Variants in SLK observed in about 807,000 individuals in gnomAD.
The protein encoded by SLK is STE20-like serine/threonine-protein kinase.
In SLK, 67 loss-of-function variants were observed where a neutral mutation model predicts 147.7. That is an observed-to-expected ratio of 0.45 (90% confidence interval 0.37 to 0.56). The LOEUF is 0.56. Ranked by LOEUF, SLK falls within the 20% of genes least tolerant of loss-of-function variation. The pLI is 0.00. For missense variants in SLK, 1,136 were observed against 1,438.8 expected, an observed-to-expected ratio of 0.79 and a Z score of 3.41; for synonymous variants, 441 against 475.0, an observed-to-expected ratio of 0.93 and a Z score of 0.93.
chr10:103,999,417 C>T, intron 6 of SLK, 104 bp downstream of exon 6: 3 of 866,552 alleles, frequency 3.5e-6, no homozygotes, highest in Non-Finnish European at 5.3e-6. Flanking sequence ...AAATTGGATA[C>T]ATGGTTCGAA....
intron 1 of SLK, among the ~76,000 whole-genome samples, chr10:103,969,245 A>G (rs1276691837): frequency 6.6e-6 from 1 of 152,214 alleles, no homozygotes. Context: ...CTAGGATTAC[A>G]GGCGTGAGCC....
intron 9 of SLK, among the ~76,000 whole-genome samples, chr10:104,004,965 A>T (rs1160630129): frequency 1.3e-5 from 2 of 152,110 alleles, no homozygotes; most frequent in Non-Finnish European, 2.9e-5. Flanking sequence ...AATCATACAT[A>T]TATCTCTGGC....
At chr10:104,024,990 GGT>G (rs1274728216) in intron 18 of SLK, among the ~76,000 whole-genome samples, 1 of 152,176 alleles carries the variant, frequency 6.6e-6, no homozygotes, top group Non-Finnish European at 1.5e-5. Flanking sequence ...TTAGGGATTA[GGT>G]TTTTATATGG....
At chr10:103,993,406 TG>T (rs1391327867) in intron 4 of SLK, among the ~76,000 whole-genome samples, 3 of 152,322 alleles carry the variant, frequency 2.0e-5, no homozygotes, top group African/African-American at 7.2e-5. Flanking sequence ...ATTTCAAGTT[TG>T]TACCCTTAAA....
intron 10 of SLK, 81 bp from the exon 11 acceptor site, chr10:104,005,830 AT>A: frequency 6.5e-7 from 1 of 1,529,568 alleles, no homozygotes; most frequent in Non-Finnish European, 8.8e-7. Flanking sequence ...TCGAAAGAAA[AT>A]TTTTAAAGCT....
chr10:104,010,379 C>G (rs1288526660), intron 12 of SLK, among the ~76,000 whole-genome samples: 1 of 152,166 alleles, frequency 6.6e-6, no homozygotes, highest in African/African-American at 2.4e-5. Context: ...TTAGTATGAT[C>G]AAGCCAATTA....
At chr10:104,007,255 A>G (rs1211731850) in intron 11 of SLK, among the ~76,000 whole-genome samples, 3 of 152,174 alleles carry the variant, frequency 2.0e-5, no homozygotes, top group African/African-American at 7.2e-5. Context: ...ACTTCACAAC[A>G]ATTAGCTATT....
At chr10:104,008,090 G>A (rs752959890) in intron 11 of SLK, 87 bp from the exon 12 acceptor site, 2 of 1,001,030 alleles carry the variant, frequency 2.0e-6, no homozygotes, top group Non-Finnish European at 1.5e-6. Flanking sequence ...TTAAATACTA[G>A]TTATGTTCTC....
intron 13 of SLK, among the ~76,000 whole-genome samples, chr10:104,013,415 G>A (rs1455277380): frequency 1.3e-5 from 2 of 152,130 alleles, no homozygotes; most frequent in Non-Finnish European, 2.9e-5. Flanking sequence ...AAAAAAGGGG[G>A]TTCTACTAGC....
At chr10:104,016,318 C>CAA (rs879554654) in intron 13 of SLK, among the ~76,000 whole-genome samples, 1 of 126,422 alleles carries the variant, frequency 7.9e-6, no homozygotes. Context: ...GACTCTCTTT[C>CAA]AAAAAAAAAA....
Position 103,993,178 on chromosome 10 carries a change from A to T in SLK, c.514+45A>T, listed in dbSNP as rs914403916. On this transcript the variant is annotated intron_variant, in intron 4 of 18. Transcript: ENST00000369755. ...AAAACATTAGAATTTTTACTCTGAA[A>T]TTTCCATCTTTATGTATGTGACTTA... is the stretch of plus-strand genomic sequence containing the variant. 7 of 1,446,058 alleles carry T rather than the reference A, an allele frequency of 4.8e-6. No homozygotes were observed. The African/African-American group carries it at 9.9e-5, about 20-fold the overall frequency. 89.6% of individuals were successfully genotyped at this position (1,446,058 alleles called of 1,614,324 possible).
chr10:103,985,766 T>C (rs1236628329), intron 1 of SLK, among the ~76,000 whole-genome samples: 1 of 152,160 alleles, frequency 6.6e-6, no homozygotes. Flanking sequence ...TGTAAAAATA[T>C]AGAAAGAAAA....
chr10:103,980,716 C>T (rs1471926233), intron 1 of SLK, among the ~76,000 whole-genome samples: 1 of 152,078 alleles, frequency 6.6e-6, no homozygotes, highest in Admixed American at 6.5e-5. Flanking sequence ...ACACATTTTT[C>T]TTATCCACTC....
chr10:104,005,810 A>G (rs1228677619), intron 10 of SLK, 102 bp from the exon 11 acceptor site: 3 of 1,481,026 alleles, frequency 2.0e-6, no homozygotes, highest in African/African-American at 2.9e-5. Context: ...TTCTTTTACT[A>G]CCGTTCCACT....
At chr10:103,992,945 T>C (rs952231125) in intron 3 of SLK, 39 bp from the exon 4 acceptor site, 1 of 1,519,348 alleles carries the variant, frequency 6.6e-7, no homozygotes, top group African/African-American at 1.4e-5. Context: ...GTTTTCACTG[T>C]ATAAAAAGCA....
chr10:103,996,446 CG>C (rs1554843224), intron 4 of SLK, among the ~76,000 whole-genome samples: 1 of 148,498 alleles, frequency 6.7e-6, no homozygotes, highest in Non-Finnish European at 1.5e-5. Flanking sequence ...TCACCCAGGC[CG>C]GACTGCAGTG....
chr10:103,986,240 G>T (rs1307096136), intron 1 of SLK, among the ~76,000 whole-genome samples: 2 of 152,114 alleles, frequency 1.3e-5, no homozygotes, highest in African/African-American at 4.8e-5. Context: ...AATATATAAT[G>T]AAATAATTAC....
At chr10:104,018,669 CAT>C (rs1345766566) in intron 14 of SLK, 113 bp from the exon 15 acceptor site, 24 of 1,057,536 alleles carry the variant, frequency 2.3e-5, no homozygotes, top group East Asian at 5.0e-5. Context: ...AGAATGTCAA[CAT>C]GTGTGTACGA....
chr10:103,967,637 C>T lies in SLK; in HGVS notation c.-109C>T. 1.0e-6 allele frequency: 1 copy of T among 987,368 alleles called. No homozygotes were observed. Among genetic ancestry groups the T allele is most frequent in the South Asian group, 2.5e-5 (1 of 40,554 alleles). 61.2% of individuals were successfully genotyped at this position (987,368 alleles called of 1,614,324 possible). On this transcript the variant is annotated 5_prime_UTR_variant, in exon 1 of 19. Coordinates refer to ENST00000369755, the MANE Select transcript of SLK (RefSeq NM_014720.4). The stretch of plus-strand genomic sequence containing the variant: ...CCGGAGCTGCGGGGGCCGAGGGACG[C>T]CGCGCCCGCCGCCGCCAGCCGGGCT...
Sources: gnomAD v4.1 joint callset for allele counts (sites outside exome capture counted in the v4.1 genomes callset) on GRCh38, gnomAD v4.1.1 for gene constraint, MANE v1.5 for transcripts, NCBI Gene and HGNC (gene_info 2026-07-23, HGNC 2026-07-21) for gene names.